Variants in CLMN observed in about 807,000 individuals in gnomAD.
CLMN encodes the protein calmin.
In CLMN, 57 loss-of-function variants were observed where a neutral mutation model predicts 92.7. That is an observed-to-expected ratio of 0.61 (90% CI 0.50 to 0.77). The LOEUF (loss-of-function observed/expected upper bound fraction) is 0.77. Ranked by LOEUF, CLMN falls within the 30% of genes least tolerant of loss-of-function variation. CLMN has a pLI of 0.00. For missense variants in CLMN, 1,158 were observed against 1,237.5 expected (o/e 0.94, Z 0.96); for synonymous variants, 466 against 470.6 (o/e 0.99, Z 0.13).
chr14:95,215,607 A>G (rs1897314609), intron 5 of CLMN, 34 bp downstream of exon 5: 2 of 1,564,366 alleles, frequency 1.3e-6, no homozygotes, highest in East Asian at 2.2e-5. Flanking sequence ...ACACAAGATC[A>G]TGATTGTGTG....
chr14:95,283,707 G>C (rs1243062194), intron 1 of CLMN, among the ~76,000 whole-genome samples: 2 of 152,222 alleles, frequency 1.3e-5, no homozygotes, highest in Non-Finnish European at 2.9e-5. Context: ...CTTTGAACTT[G>C]AGAAAGATGA....
chr14:95,213,940 T>C (rs1022434813), intron 5 of CLMN, among the ~76,000 whole-genome samples: 6 of 152,068 alleles, frequency 3.9e-5, no homozygotes, highest in Non-Finnish European at 8.8e-5. Context: ...ACACAGTAGG[T>C]TACGTCTAAC....
chr14:95,300,145 C>T (rs1309540977), intron 1 of CLMN, among the ~76,000 whole-genome samples: 1 of 152,200 alleles, frequency 6.6e-6, no homozygotes, highest in East Asian at 1.9e-4. Flanking sequence ...GGTGTGGCCA[C>T]TCCATGGGCA....
At chr14:95,233,737 C>T (rs1897962953) in intron 1 of CLMN, among the ~76,000 whole-genome samples, 1 of 152,256 alleles carries the variant, frequency 6.6e-6, no homozygotes, top group Non-Finnish European at 1.5e-5. Flanking sequence ...CCCTAAGAGG[C>T]TCTGCTGGCA....
rs1896643444 is a variant in CLMN, at chr14:95,194,432, G to T, written c.2769+104C>A. 1 of 1,590,026 alleles carries T rather than the reference G, an allele frequency of 6.3e-7. No homozygotes were observed. Among genetic ancestry groups the T allele is most frequent in the African/African-American group, 1.4e-5 (1 of 73,928 alleles). On this transcript the variant is annotated intron_variant, in intron 11 of 12. Coordinates refer to ENST00000298912, the MANE Select transcript of CLMN (RefSeq NM_024734.4). The surrounding 1 kb of genome is among the most constrained non-coding windows in gnomAD (Gnocchi z 4.0). ...TTGTCTTCTATCCAAAAGTATAGCT[G>T]TTGCATGCCAGTAATTTCAAAGCTC...
intron 2 of CLMN, among the ~76,000 whole-genome samples, chr14:95,226,723 G>A (rs1371137309): frequency 1.3e-5 from 2 of 152,012 alleles, no homozygotes; most frequent in South Asian, 2.1e-4. Flanking sequence ...CTACAGGCAC[G>A]TGCCATCACG....
rs1307729272 is a variant in CLMN at position 95,311,595 on chromosome 14, C to T, written c.82+8116G>A. On this transcript the variant is annotated intron_variant, in intron 1 of 12. Transcript: ENST00000298912. ...ACTGGACCACAATCTCCAAGAAGCA[C>T]TAGAACACAAGGGAACCAAATAAAA... Among the ~76,000 whole-genome samples, 6 of 152,180 alleles carry T rather than the reference C, an allele frequency of 3.9e-5. No individual in the cohort carries two copies. In the East Asian group the frequency reaches 9.6e-4, roughly 24 times the overall value.
In CLMN at chr14:95,257,246, G is replaced by A. The variant is rs578229293; in HGVS notation, c.83-27113C>T. 9.8e-4 allele frequency among the ~76,000 whole-genome samples: 150 copies of A among 152,342 alleles called. 2 individuals carry two copies. In the South Asian group the frequency reaches 0.023, roughly 23 times the overall value. ...CTTTGCATCGAAACAACGGTCGAGA[G>A]CCTGCTGTCAACCGCCCGCTGCATC... On this transcript the variant is annotated intron_variant, in intron 1 of 12. Transcript: ENST00000298912.
chr14:95,272,155 G>A (rs1357837723), intron 1 of CLMN, among the ~76,000 whole-genome samples: 4 of 152,314 alleles, frequency 2.6e-5, no homozygotes, highest in Admixed American at 6.5e-5. Context: ...TGGGTAGGGC[G>A]AGGCCCTCAG....
chr14:95,317,831 T>C (rs1901862344), intron 1 of CLMN, among the ~76,000 whole-genome samples: 1 of 152,222 alleles, frequency 6.6e-6, no homozygotes, highest in African/African-American at 2.4e-5. Flanking sequence ...TTGAACTTAA[T>C]AAGTGCACAT....
rs752764483 is a variant in CLMN at position 95,203,262 on chromosome 14, C to A, written c.2087G>T (p.Ser696Ile). 1 of 1,614,034 alleles carries A rather than the reference C, an allele frequency of 6.2e-7. No individual in the cohort carries two copies. Among genetic ancestry groups the A allele is most frequent in the East Asian group, 2.2e-5 (1 of 44,874 alleles). The change falls in exon 9 of 13, where the codon AGC (serine) becomes ATC (isoleucine). Residue 696 changes from serine (S) to isoleucine (I), a missense_variant. Ser to Ile is a moderately radical substitution (Grantham distance 142). Transcript: ENST00000298912. ...GCTGTGACTCCCAAGGGTCTCCAAG[C>A]TGACACAGCTGCTTGGGGGGCTGGA... is the stretch of plus-strand genomic sequence containing the variant. Reference protein sequence around the residue: ...LSSSPPSSCVSLETLGSHSEE... With the variant: ...LSSSPPSSCVILETLGSHSEE...
At chr14:95,266,537 A>T (rs1899482002) in intron 1 of CLMN, among the ~76,000 whole-genome samples, 4 of 152,218 alleles carry the variant, frequency 2.6e-5, no homozygotes. Flanking sequence ...CTGATGAAAG[A>T]AACTGAAGAA....
rs191681589 is a variant in CLMN at position 95,189,130 on chromosome 14, C to T, written c.*2434G>A. 10 of 152,226 alleles carry T rather than the reference C, an allele frequency of 6.6e-5. No homozygotes were observed. Among genetic ancestry groups the T allele is most frequent in the Admixed American group, 4.6e-4 (7 of 15,284 alleles). 9.4% of individuals were successfully genotyped at this position (152,226 alleles called of 1,614,324 possible). A position where few individuals can be genotyped will look rare whatever the true frequency, so the allele number is the denominator to read the frequency against. ...AATGTCAACACCTAATAGAAATGTA[C>T]TAAATGATGTGATCTAGCTATACTG... On this transcript the variant is annotated 3_prime_UTR_variant, in exon 13 of 13. Coordinates refer to ENST00000298912, the MANE Select transcript of CLMN (RefSeq NM_024734.4).
intron 6 of CLMN, among the ~76,000 whole-genome samples, chr14:95,212,786 CT>C (rs143791120): frequency 0.072 from 9,903 of 137,086 alleles, 318 homozygotes; most frequent in African/African-American, 0.11. Flanking sequence ...TTCTGACATT[CT>C]TTTTTTTTTT....
At position 95,193,200 on chromosome 14, in the gene CLMN, C is replaced by T. The variant is rs932495983; in HGVS notation, c.2840+649G>A. On this transcript the variant is annotated intron_variant, in intron 12 of 12. Coordinates refer to ENST00000298912, the MANE Select transcript of CLMN (RefSeq NM_024734.4). ...TCTATGACTTCAACAGGAATGGGGA[C>T]GTCTCAGAATTGTAAGAATTTGAGA... is the stretch of plus-strand genomic sequence containing the variant. 24 of 642,946 alleles carry T rather than the reference C, an allele frequency of 3.7e-5. 1 individual carries two copies. The highest frequency in any genetic ancestry group is 2.4e-4 in the African/African-American group (13 of 54,290). The allele number at this position is 642,946 out of a possible 1,614,324, so 39.8% of individuals were successfully genotyped here. A position where few individuals can be genotyped will look rare whatever the true frequency, so the allele number is the denominator to read the frequency against.
At chr14:95,292,449 CCCACCT>C (rs955252603) in intron 1 of CLMN, among the ~76,000 whole-genome samples, 13 of 136,994 alleles carry the variant, frequency 9.5e-5, no homozygotes, top group South Asian at 2.8e-4. Context: ...CACCCCCACC[CCCACCT>C]CCACCCCCTG....
chr14:95,231,418 T>C (rs1014190636), intron 1 of CLMN, among the ~76,000 whole-genome samples: 5 of 152,094 alleles, frequency 3.3e-5, no homozygotes, highest in Non-Finnish European at 7.4e-5. Context: ...CAGGATGGTC[T>C]CGATCTCCTG....
At chr14:95,201,582 ATTTTAC>A (rs1896884178) in intron 9 of CLMN, among the ~76,000 whole-genome samples, 1 of 59,222 alleles carries the variant, frequency 1.7e-5, no homozygotes, top group East Asian at 3.9e-4. Flanking sequence ...TTTTTTTTTT[ATTTTAC>A]TTTAAGTTCT....
intron 1 of CLMN, chr14:95,307,869 T>C (rs60822684): frequency 0.32 from 48,017 of 152,066 alleles, 7,923 homozygotes; most frequent in East Asian, 0.61. Flanking sequence ...CACAGTGTGC[T>C]GTGAAACCTC....
Sources: allele counts gnomAD v4.1 joint callset (sites outside exome capture counted in the v4.1 genomes callset), GRCh38; gene constraint gnomAD v4.1.1; non-coding constraint Gnocchi (gnomAD v3.1); transcripts MANE v1.5; gene names NCBI Gene and HGNC (gene_info 2026-07-23, HGNC 2026-07-21).